Variants in SEZ6 observed in about 807,000 individuals in gnomAD.
SEZ6 encodes seizure protein 6 homolog.
A neutral mutation model predicts 101.0 loss-of-function variants in SEZ6; 53 were observed. That is an observed-to-expected ratio of 0.52 (90% confidence interval 0.42 to 0.66). SEZ6 has a LOEUF of 0.66. Ranked by LOEUF, SEZ6 falls within the 30% of genes least tolerant of loss-of-function variation. The pLI is 0.00. For synonymous variants in SEZ6, 488 were observed against 512.2 expected, an observed-to-expected ratio of 0.95 and a Z score of 0.64; for missense variants, 1,102 against 1,289.4, an observed-to-expected ratio of 0.85 and a Z score of 2.23.
chr17:28,967,559 G>A (rs1377601033), intron 4 of SEZ6, among the ~76,000 whole-genome samples: 2 of 152,210 alleles, frequency 1.3e-5, no homozygotes, highest in East Asian at 3.9e-4. Context: ...CCCAGTCCAG[G>A]ATGGGATGGA....
chr17:28,982,355 C>T (rs1180307168), intron 1 of SEZ6, among the ~76,000 whole-genome samples: 8 of 152,184 alleles, frequency 5.3e-5, no homozygotes, highest in Non-Finnish European at 7.4e-5. Context: ...CGAGGTCACA[C>T]CTGACACCTC....
chr17:28,990,281 T>C (rs1015556439), intron 1 of SEZ6, among the ~76,000 whole-genome samples: 1 of 152,176 alleles, frequency 6.6e-6, no homozygotes, highest in African/African-American at 2.4e-5. Flanking sequence ...ACTTTTGCAT[T>C]TCTTTTTTTC....
intron 16 of SEZ6, 77 bp downstream of exon 16, chr17:28,956,082 G>A: frequency 2.5e-6 from 4 of 1,591,830 alleles, no homozygotes; most frequent in Non-Finnish European, 3.4e-6. Flanking sequence ...GGCTTGGCAG[G>A]ACCCTCAGGG....
intron 1 of SEZ6, among the ~76,000 whole-genome samples, chr17:28,989,870 C>G (rs2041433277): frequency 6.6e-6 from 1 of 152,122 alleles, no homozygotes; most frequent in Non-Finnish European, 1.5e-5. Flanking sequence ...GAGTTCGAGA[C>G]CAGCCTGGTG....
chr17:28,956,487 G>T lies in SEZ6; in HGVS notation c.2732-20C>A. On this transcript the variant is annotated intron_variant, in intron 14 of 16. Coordinates refer to ENST00000317338, the MANE Select transcript of SEZ6 (RefSeq NM_178860.5). ...TGGCAACTGAAGACACAGAGGGTGTGACTGGAGCAGAGGTCTCTGTCACCT... is the reference window on the plus strand; with the variant it reads ...TGGCAACTGAAGACACAGAGGGTGTTACTGGAGCAGAGGTCTCTGTCACCT... The T allele has an allele frequency of 6.5e-7, 1 of 1,545,598 alleles. No homozygotes were observed. The highest frequency in any genetic ancestry group is 1.2e-5 in the South Asian group (1 of 83,850).
rs1361400995 is a variant in SEZ6 at position 28,959,321 on chromosome 17, G to A, written c.1910+13C>T. 12 of 1,613,808 alleles carry A rather than the reference G, an allele frequency of 7.4e-6. No homozygotes were observed. The highest frequency in any genetic ancestry group is 3.3e-5 in the Admixed American group (2 of 60,008). On this transcript the variant is annotated intron_variant, in intron 9 of 16. Coordinates refer to ENST00000317338, the MANE Select transcript of SEZ6 (RefSeq NM_178860.5). The surrounding 1 kb of genome is among the most constrained non-coding windows in gnomAD (Gnocchi z 4.4). ...CTCAGGAGTTGGCTCGGCCTGACCC[G>A]GTAGGCACTCACACTCGGATGTCCA... is the stretch of plus-strand genomic sequence containing the variant.
Position 28,959,368 on chromosome 17 carries a change from C to T in SEZ6, c.1876G>A (p.Glu626Lys). The change falls in exon 9 of 17, where the codon GAA becomes AAA. Residue 626 changes from glutamate (E) to lysine (K), a missense_variant. This residue lies in a region of SEZ6 where 556 missense variants were observed against 735.1 expected (regional missense o/e 0.76). Transcript: ENST00000317338. This position sits in a 1 kb window ranked among gnomAD's most constrained non-coding sequence, Gnocchi z 4.4. ...TCCAGCATGATGCGCTTGTCCTCTT[C>T]CACATGCACACCCCAGATACAATCC... is the stretch of plus-strand genomic sequence containing the variant. ...GQDCIWGVHV[E>K]EDKRIMLDIR... 1 of 1,613,948 alleles carries T rather than the reference C, an allele frequency of 6.2e-7. No individual in the cohort carries two copies. The highest frequency in any genetic ancestry group is 8.5e-7 in the Non-Finnish European group (1 of 1,179,866).
intron 11 of SEZ6, 200 bp downstream of exon 11, chr17:28,957,747 G>A: frequency 1.2e-6 from 1 of 843,260 alleles, no homozygotes; most frequent in South Asian, 1.8e-5. Flanking sequence ...CCATCTACCA[G>A]GAATGAAATA....
chr17:29,000,906 T>C (rs2041607226), intron 1 of SEZ6, among the ~76,000 whole-genome samples: 1 of 152,088 alleles, frequency 6.6e-6, no homozygotes, highest in Non-Finnish European at 1.5e-5. Flanking sequence ...TTATTCAACA[T>C]GTATTTAATG....
chr17:28,959,953 C>A lies in SEZ6; in HGVS notation c.1577-61G>T. 6.6e-7 allele frequency: 1 copy of A among 1,518,888 alleles called. No homozygotes were observed. The highest frequency in any genetic ancestry group is 8.9e-7 in the Non-Finnish European group (1 of 1,121,174). 94.1% of individuals were successfully genotyped at this position (1,518,888 alleles called of 1,614,324 possible). A position where few individuals can be genotyped will look rare whatever the true frequency, so the allele number is the denominator to read the frequency against. On this transcript the variant is annotated intron_variant, in intron 7 of 16. Transcript: ENST00000317338. The surrounding 1 kb of genome is among the most constrained non-coding windows in gnomAD (Gnocchi z 4.4). ...ACTGGTATTAAACACAGTGGGCAAG[C>A]ATCCCCCTACTTCCCTCCCCAGAGC...
At chr17:28,958,248 C>G (rs937632661) in intron 10 of SEZ6, 107 bp from the exon 11 acceptor site, 3 of 1,337,212 alleles carry the variant, frequency 2.2e-6, no homozygotes, top group Non-Finnish European at 3.0e-6. Context: ...TGGACCTAGA[C>G]TGTCCTGGGC....
At chr17:28,996,240 C>A (rs1045958177) in intron 1 of SEZ6, among the ~76,000 whole-genome samples, 1 of 152,040 alleles carries the variant, frequency 6.6e-6, no homozygotes, top group Non-Finnish European at 1.5e-5. Context: ...TGGGCTCTGC[C>A]CTTAGGGACT....
chr17:28,960,700 G>A, intron 6 of SEZ6, 29 bp from the exon 7 acceptor site: 1 of 1,611,846 alleles, frequency 6.2e-7, no homozygotes, highest in Non-Finnish European at 8.5e-7. Flanking sequence ...AGCTATGTAG[G>A]CTGGTGGCTG....
At chr17:28,978,890 A>G (rs1289898656) in intron 3 of SEZ6, among the ~76,000 whole-genome samples, 1 of 151,736 alleles carries the variant, frequency 6.6e-6, no homozygotes, top group African/African-American at 2.4e-5. Flanking sequence ...AGAGATTTAG[A>G]GGGGAGTATC....
At chr17:28,980,401 G>T (rs1409663231) in intron 2 of SEZ6, among the ~76,000 whole-genome samples, 2 of 146,898 alleles carry the variant, frequency 1.4e-5, no homozygotes, top group East Asian at 4.0e-4. Context: ...ACAGAGTCTC[G>T]CTCTGTCACC....
intron 4 of SEZ6, among the ~76,000 whole-genome samples, chr17:28,967,806 C>T (rs1186940636): frequency 3.3e-5 from 5 of 152,070 alleles, no homozygotes; most frequent in African/African-American, 1.2e-4. Flanking sequence ...ACAATGAAGC[C>T]CCCAGACTCC....
chr17:29,006,144 A>G, upstream of SEZ6: 1 of 268,420 alleles, frequency 3.7e-6, no homozygotes. Flanking sequence ...ACCCAGGGGC[A>G]GGAGCCCAGG....
rs570112923 is a variant in SEZ6, at chr17:28,955,355, C to G, written c.*607G>C. ...CCCAACCTGAGGTGGGGGTAGGGTC[C>G]CCCTGAACCCCTTAGGATCTCCTAG... is the stretch of plus-strand genomic sequence containing the variant. On this transcript the variant is annotated 3_prime_UTR_variant, in exon 17 of 17. Coordinates refer to ENST00000317338, the MANE Select transcript of SEZ6 (RefSeq NM_178860.5). 61 of 268,846 alleles carry G rather than the reference C, an allele frequency of 2.3e-4. 2 individuals carry two copies. The South Asian group carries it at 2.4e-3, about 11-fold the overall frequency. 16.7% of individuals were successfully genotyped at this position (268,846 alleles called of 1,614,324 possible).
At chr17:28,969,702 A>G in intron 4 of SEZ6, 55 bp downstream of exon 4, 1 of 1,379,146 alleles carries the variant, frequency 7.3e-7, no homozygotes, top group Non-Finnish European at 9.4e-7. Context: ...CCCCCTCCCC[A>G]GCAAGGAGGG....
Sources: gnomAD v4.1 joint callset for allele counts (sites outside exome capture counted in the v4.1 genomes callset) on GRCh38, gnomAD v4.1.1 for gene constraint, gnomAD v4.1.1 regional missense constraint, Gnocchi (gnomAD v3.1) non-coding constraint, MANE v1.5 for transcripts, NCBI Gene and HGNC (gene_info 2026-07-23, HGNC 2026-07-21) for gene names.